Variants in EXOC4 observed in about 807,000 individuals in gnomAD.
EXOC4 encodes exocyst complex component 4, also known as SEC8-like 1.
EXOC4 carries 71 observed loss-of-function variants against 107.2 expected under a neutral mutation model. The ratio of observed to expected loss-of-function variants is 0.66; its 90% CI spans 0.55 to 0.81. EXOC4 has a LOEUF of 0.81. EXOC4 is among the 30% of genes least tolerant of loss of function. The probability of loss-of-function intolerance (pLI) is 0.00; values close to 1 mark genes in which losing one functional copy is unlikely to be tolerated. For synonymous variants in EXOC4, 456 were observed against 441.2 expected (o/e 1.03, Z -0.42); for missense variants, 1,108 against 1,189.6 (o/e 0.93, Z 1.01).
rs149835075 is a variant in EXOC4, at chr7:133,809,977, T to C, written c.1515-7348T>C. ...TGTGCTCTCATGATTAGACTCAAGT[T>C]GCGCATTTTTAGCAAGAGTAACAGA... On this transcript the variant is annotated intron_variant, in intron 10 of 17. Coordinates refer to ENST00000253861, the MANE Select transcript of EXOC4 (RefSeq NM_021807.4). Among the ~76,000 whole-genome samples, 580 of 152,282 alleles carry C rather than the reference T, an allele frequency of 3.8e-3. 3 individuals are homozygous for C. The highest frequency in any genetic ancestry group is 5.0e-3 in the Non-Finnish European group (337 of 68,018).
chr7:133,284,055 C>T (rs1207408332), intron 2 of EXOC4, among the ~76,000 whole-genome samples: 1 of 152,166 alleles, frequency 6.6e-6, no homozygotes, highest in South Asian at 2.1e-4. Context: ...TTTGTTACCT[C>T]GGTTTAGAGA....
intron 10 of EXOC4, among the ~76,000 whole-genome samples, chr7:133,681,838 A>T (rs926737316): frequency 1.3e-5 from 2 of 152,156 alleles, no homozygotes; most frequent in African/African-American, 4.8e-5. Flanking sequence ...TAAGGATTAA[A>T]TAAATTAATA....
At chr7:133,965,579 G>A (rs1281158049) in intron 14 of EXOC4, among the ~76,000 whole-genome samples, 2 of 152,134 alleles carry the variant, frequency 1.3e-5, no homozygotes, top group African/African-American at 4.8e-5. Flanking sequence ...TATTAAATAG[G>A]GAATCCTTTC....
In EXOC4 at chr7:133,464,817, T is replaced by G. The variant is rs1296775863; in HGVS notation, c.1183-10511T>G. On this transcript the variant is annotated intron_variant, in intron 7 of 17. Coordinates refer to ENST00000253861, the MANE Select transcript of EXOC4 (RefSeq NM_021807.4). ...TTTTTTGTTGGTTGGGTTGGTTTTT[T>G]TTTTTTTTTTTTTTTTTTTGGAGTT... Among the ~76,000 whole-genome samples the G allele has an allele frequency of 5.3e-5, 6 of 113,628 alleles. 1 individual carries two copies. The highest frequency in any genetic ancestry group is 6.9e-4 in the South Asian group (2 of 2,908). 74.5% of individuals were successfully genotyped at this position (113,628 alleles called of 152,430 possible).
At chr7:133,634,975 AC>A (rs1439421431) in intron 10 of EXOC4, among the ~76,000 whole-genome samples, 4 of 6,078 alleles carry the variant, frequency 6.6e-4, no homozygotes, top group South Asian at 0.022. Flanking sequence ...TCTCTAGAAG[AC>A]TTTTAAGACG....
At chr7:133,324,841 G>T (rs1272038981) in intron 5 of EXOC4, among the ~76,000 whole-genome samples, 1 of 152,190 alleles carries the variant, frequency 6.6e-6, no homozygotes, top group African/African-American at 2.4e-5. Context: ...TTGTGTGGGA[G>T]TCTAAGCCTC....
chr7:133,388,925 C>T (rs1796789580), intron 7 of EXOC4, among the ~76,000 whole-genome samples: 1 of 152,132 alleles, frequency 6.6e-6, no homozygotes, highest in South Asian at 2.1e-4. Flanking sequence ...GTGTGGCTGG[C>T]TTTGGCTGAT....
intron 14 of EXOC4, among the ~76,000 whole-genome samples, chr7:133,994,734 C>G (rs552861828): frequency 2.2e-4 from 32 of 148,040 alleles, no homozygotes; most frequent in African/African-American, 7.8e-4. Context: ...ACAATGTAGC[C>G]TTTAAAGGGT....
intron 5 of EXOC4, among the ~76,000 whole-genome samples, chr7:133,331,409 A>G (rs1795384607): frequency 6.6e-6 from 1 of 151,770 alleles, no homozygotes; most frequent in Non-Finnish European, 1.5e-5. Context: ...TAAGAAATAT[A>G]TGAAAAACTA....
At chr7:133,665,450 T>C (rs1793790411) in intron 10 of EXOC4, among the ~76,000 whole-genome samples, 1 of 152,134 alleles carries the variant, frequency 6.6e-6, no homozygotes, top group Admixed American at 6.6e-5. Context: ...AAGTAATCCT[T>C]CTGGCAAATT....
At chr7:133,966,716 A>G (rs1801078975) in intron 14 of EXOC4, among the ~76,000 whole-genome samples, 2 of 152,118 alleles carry the variant, frequency 1.3e-5, no homozygotes, top group Non-Finnish European at 1.5e-5. Flanking sequence ...GTGCTGCTGG[A>G]TTCAGTTTGC....
intron 7 of EXOC4, among the ~76,000 whole-genome samples, chr7:133,444,088 G>A: frequency 6.6e-6 from 1 of 152,174 alleles, no homozygotes; most frequent in East Asian, 1.9e-4. Context: ...TAAGAGTGGA[G>A]TGTAGCTCAC....
intron 13 of EXOC4, among the ~76,000 whole-genome samples, chr7:133,925,063 T>C (rs1210663624): frequency 6.6e-6 from 1 of 152,218 alleles, no homozygotes; most frequent in Admixed American, 6.5e-5. Flanking sequence ...TTTAGCACTT[T>C]AGAGTACCAT....
At chr7:133,870,184 T>A (rs1335690829) in intron 11 of EXOC4, among the ~76,000 whole-genome samples, 1 of 152,158 alleles carries the variant, frequency 6.6e-6, no homozygotes, top group Non-Finnish European at 1.5e-5. Context: ...TCAAATATCT[T>A]AAGCAATAAA....
chr7:133,512,128 G>C (rs147647461), intron 9 of EXOC4, among the ~76,000 whole-genome samples: 1 of 152,158 alleles, frequency 6.6e-6, no homozygotes, highest in Non-Finnish European at 1.5e-5. Flanking sequence ...TGAAAGGAAC[G>C]TATAGAGTGC....
At position 133,468,143 on chromosome 7, in the gene EXOC4, T is replaced by C. The variant is rs575790342; in HGVS notation, c.1183-7185T>C. ...AAAAAGAAAAAAAATCATGAGTAGT[T>C]TGATCAGATGTTCGATACAGGACCA... On this transcript the variant is annotated intron_variant, in intron 7 of 17. Transcript: ENST00000253861. Among the ~76,000 whole-genome samples the C allele has an allele frequency of 1.7e-3, 255 of 152,320 alleles. 1 individual carries two copies. The highest frequency in any genetic ancestry group is 5.9e-3 in the African/African-American group (244 of 41,566).
chr7:134,096,880 C>T, the EXOC4 span, among the ~76,000 whole-genome samples: 1 of 151,856 alleles, frequency 6.6e-6, no homozygotes, highest in Admixed American at 6.6e-5. Context: ...TTTTGTAACA[C>T]CCTCACAGAC....
intron 14 of EXOC4, among the ~76,000 whole-genome samples, chr7:133,982,351 G>A (rs1055012115): frequency 6.6e-6 from 1 of 152,174 alleles, no homozygotes; most frequent in Admixed American, 6.5e-5. Context: ...AGGAGATCGA[G>A]ACCATCCTGG....
rs1799233051 is a variant in EXOC4 at position 133,893,309 on chromosome 7, C to G, written c.1735-2290C>G. On this transcript the variant is annotated intron_variant, in intron 11 of 17. Coordinates refer to ENST00000253861, the MANE Select transcript of EXOC4 (RefSeq NM_021807.4). The stretch of plus-strand genomic sequence containing the variant: ...TCTTCCTCCATCCTTTTATTTTGAG[C>G]CTATGTGTGTCTCTGCACGTAAGAT... Among the ~76,000 whole-genome samples the G allele has an allele frequency of 4.9e-5, 4 of 82,324 alleles. 2 individuals carry two copies. The South Asian group carries it at 2.0e-3, about 41-fold the overall frequency. 54.0% of individuals were successfully genotyped at this position (82,324 alleles called of 152,430 possible). A position where few individuals can be genotyped will look rare whatever the true frequency, so the allele number is the denominator to read the frequency against.
Sources: allele counts gnomAD v4.1 joint callset (sites outside exome capture counted in the v4.1 genomes callset), GRCh38; gene constraint gnomAD v4.1.1; transcripts MANE v1.5; gene names NCBI Gene and HGNC (gene_info 2026-07-23, HGNC 2026-07-21).